ZNF445: variants seen among roughly 807,000 people sequenced by gnomAD.
ZNF445 encodes the protein zinc finger protein 168.
ZNF445 carries 19 observed loss-of-function variants against 93.9 expected under a neutral mutation model. The observed-to-expected ratio is 0.20, with a 90% CI of 0.14 to 0.30. ZNF445 has a LOEUF of 0.30. Ranked by LOEUF, ZNF445 falls within the 10% of genes least tolerant of loss-of-function variation. The pLI, the probability that ZNF445 is intolerant of heterozygous loss-of-function variation, is 1.00. For synonymous variants in ZNF445, 449 were observed against 446.3 expected (o/e 1.01, Z -0.08); for missense variants, 1,058 against 1,259.4 (o/e 0.84, Z 2.42).
Position 44,440,987 on chromosome 3 carries a change from C to G in ZNF445, c.*5588G>C, listed in dbSNP as rs1358963613. On this transcript the variant is annotated 3_prime_UTR_variant, in exon 8 of 8. Transcript: ENST00000396077. ...GGAGTGCAGTGGCACCATCTTGGCT[C>G]ACTGCAACCTCCAACTCCCGGGATC... is the stretch of plus-strand genomic sequence containing the variant. 1 of 149,854 alleles carries G rather than the reference C, an allele frequency of 6.7e-6. No individual in the cohort carries two copies. Among genetic ancestry groups the G allele is most frequent in the South Asian group, 2.1e-4 (1 of 4,738 alleles). 9.3% of individuals were successfully genotyped at this position (149,854 alleles called of 1,614,324 possible). A position where few individuals can be genotyped will look rare whatever the true frequency, so the allele number is the denominator to read the frequency against.
chr3:44,472,738 C>G (rs1698289299), intron 1 of ZNF445, among the ~76,000 whole-genome samples: 2 of 152,230 alleles, frequency 1.3e-5, no homozygotes, highest in African/African-American at 4.8e-5. Flanking sequence ...CAATGAAATT[C>G]AGGTATCTTA....
rs1438899171 is a variant in ZNF445, at chr3:44,432,987, C to CA, written c.*13587dup. 1 of 152,200 alleles carries CA rather than the reference C, an allele frequency of 6.6e-6. No homozygotes were observed. Among genetic ancestry groups the CA allele is most frequent in the Non-Finnish European group, 1.5e-5 (1 of 68,048 alleles). The allele number at this position is 152,200 out of a possible 1,614,324, so 9.4% of individuals were successfully genotyped here. ...CATTTTCAGGTGGAAGTGTAGGAAG[C>CA]ACAGGAGATCACAGAAGACCTCAGC... On this transcript the variant is annotated 3_prime_UTR_variant, in exon 8 of 8. Transcript: ENST00000396077.
At position 44,455,580 on chromosome 3, in the gene ZNF445, G is replaced by A. The variant is rs760398094; in HGVS notation, c.-31C>T. 37 of 1,531,348 alleles carry A rather than the reference G, an allele frequency of 2.4e-5. No homozygotes were observed. Among genetic ancestry groups the A allele is most frequent in the Admixed American group, 4.3e-5 (2 of 46,566 alleles). 94.9% of individuals were successfully genotyped at this position (1,531,348 alleles called of 1,614,324 possible). A position where few individuals can be genotyped will look rare whatever the true frequency, so the allele number is the denominator to read the frequency against. ...CTGTTCAGGGACTAACCAGAAGAGT[G>A]CGAACCAAGTCCACCTTAGACGTGG... is the stretch of plus-strand genomic sequence containing the variant. On this transcript the variant is annotated 5_prime_UTR_variant, in exon 3 of 8. Coordinates refer to ENST00000396077, the MANE Select transcript of ZNF445 (RefSeq NM_181489.6).
At position 44,439,370 on chromosome 3, in the gene ZNF445, C is replaced by T. The variant is rs1175171276; in HGVS notation, c.*7205G>A. The T allele has an allele frequency of 6.6e-6, 1 of 150,426 alleles. No individual in the cohort carries two copies. Among genetic ancestry groups the T allele is most frequent in the Non-Finnish European group, 1.5e-5 (1 of 67,832 alleles). 9.3% of individuals were successfully genotyped at this position (150,426 alleles called of 1,614,324 possible). A position where few individuals can be genotyped will look rare whatever the true frequency, so the allele number is the denominator to read the frequency against. Reference sequence around the variant, plus strand: ...AGCAGTGGTGACCATAGGTCATGAGCAACGTCAGCGGACTTTTGGAAGACA... The same window carrying T: ...AGCAGTGGTGACCATAGGTCATGAGTAACGTCAGCGGACTTTTGGAAGACA... On this transcript the variant is annotated 3_prime_UTR_variant, in exon 8 of 8. Coordinates refer to ENST00000396077, the MANE Select transcript of ZNF445 (RefSeq NM_181489.6).
chr3:44,466,181 T>TA (rs1698192099), intron 1 of ZNF445, among the ~76,000 whole-genome samples: 1 of 152,096 alleles, frequency 6.6e-6, no homozygotes, highest in Admixed American at 6.5e-5. Flanking sequence ...TTTTCTTTTT[T>TA]AAAAAAAATT....
intron 1 of ZNF445, among the ~76,000 whole-genome samples, chr3:44,463,211 A>C (rs1698144072): frequency 6.6e-6 from 1 of 151,960 alleles, no homozygotes; most frequent in Non-Finnish European, 1.5e-5. Flanking sequence ...TAATTTTTGT[A>C]TTTTTAGTAG....
intron 1 of ZNF445, among the ~76,000 whole-genome samples, chr3:44,473,490 C>CACAAAA (rs774842477): frequency 1.8e-5 from 1 of 56,930 alleles, no homozygotes; most frequent in African/African-American, 4.4e-5. Flanking sequence ...CACACACACA[C>CACAAAA]AAAAAATGCT....
At chr3:44,458,629 T>C (rs547045154) in intron 1 of ZNF445, among the ~76,000 whole-genome samples, 8 of 152,220 alleles carry the variant, frequency 5.3e-5, no homozygotes, top group African/African-American at 1.9e-4. Context: ...TTTGTTATAA[T>C]ATTGGTGCGT....
In ZNF445 at chr3:44,462,683, G is replaced by GA. The variant is rs35028138; in HGVS notation, c.-268-4320dup. On this transcript the variant is annotated intron_variant, in intron 1 of 7. Coordinates refer to ENST00000396077, the MANE Select transcript of ZNF445 (RefSeq NM_181489.6). ...GAGATTCTAAATCTTGAAAAAAAAA[G>GA]AAAAAAAAAAGAAACTGCTTACCAT... is the stretch of plus-strand genomic sequence containing the variant. 8.2e-3 allele frequency among the ~76,000 whole-genome samples: 1,185 copies of GA among 144,844 alleles called. 18 individuals are homozygous for GA. The highest frequency in any genetic ancestry group is 0.028 in the African/African-American group (1,115 of 39,530).
chr3:44,448,444 T>C lies in ZNF445; in HGVS notation c.1227A>G (p.Arg409=). Reference sequence around the variant, plus strand: ...CACAGCCATGTTTAAGGGATTCCTTTCTTCCAGAAACTCTCAAATATGTAA... The same window carrying C: ...CACAGCCATGTTTAAGGGATTCCTTCCTTCCAGAAACTCTCAAATATGTAA... The part of the protein sequence containing the change: ...KHVTYLRVSG[R]KESLKHGCGK... The change falls in exon 8 of 8, where the codon AGA becomes AGG. Residue 409 remains arginine, a synonymous_variant. Coordinates refer to ENST00000396077, the MANE Select transcript of ZNF445 (RefSeq NM_181489.6). 1 of 1,614,000 alleles carries C rather than the reference T, an allele frequency of 6.2e-7. No homozygotes were observed. The highest frequency in any genetic ancestry group is 8.5e-7 in the Non-Finnish European group (1 of 1,179,994).
chr3:44,444,641 C>T lies in ZNF445; in HGVS notation c.*1934G>A, dbSNP rs768975837. On this transcript the variant is annotated 3_prime_UTR_variant, in exon 8 of 8. Coordinates refer to ENST00000396077, the MANE Select transcript of ZNF445 (RefSeq NM_181489.6). ...AAGAGGATGGCAGAACCAAGATGAC[C>T]AAACCTTCCTGAGGACAAAGCTGAA... 6.6e-6 allele frequency: 1 copy of T among 152,238 alleles called. No homozygotes were observed. Among genetic ancestry groups the T allele is most frequent in the African/African-American group, 2.4e-5 (1 of 41,416 alleles). The allele number at this position is 152,238 out of a possible 1,614,324, so 9.4% of individuals were successfully genotyped here.
chr3:44,463,358 A>G lies in ZNF445; in HGVS notation c.-268-4994T>C, dbSNP rs1215417367. 3.3e-5 allele frequency among the ~76,000 whole-genome samples: 5 copies of G among 152,274 alleles called. No individual in the cohort carries two copies. The East Asian group carries it at 9.7e-4, about 29-fold the overall frequency. ...GCCTGTCTTGCCACTCTTAATGCACAGATGAGAGGCCCTAAGATAACTTCT... is the reference window on the plus strand; with the variant it reads ...GCCTGTCTTGCCACTCTTAATGCACGGATGAGAGGCCCTAAGATAACTTCT... On this transcript the variant is annotated intron_variant, in intron 1 of 7. Transcript: ENST00000396077.
rs1222000324 is a variant in ZNF445, at chr3:44,434,894, T to C, written c.*11681A>G. The C allele has an allele frequency of 6.6e-6, 1 of 152,238 alleles. No homozygotes were observed. The highest frequency in any genetic ancestry group is 2.4e-5 in the African/African-American group (1 of 41,460). 9.4% of individuals were successfully genotyped at this position (152,238 alleles called of 1,614,324 possible). On this transcript the variant is annotated 3_prime_UTR_variant, in exon 8 of 8. Coordinates refer to ENST00000396077, the MANE Select transcript of ZNF445 (RefSeq NM_181489.6). ...AGCTGAAGGCTATGCTATTGAACACTGTAACTCAACTTTTACGTGCTACCT... is the reference window on the plus strand; with the variant it reads ...AGCTGAAGGCTATGCTATTGAACACCGTAACTCAACTTTTACGTGCTACCT...
intron 6 of ZNF445, chr3:44,450,245 A>T: frequency 1.6e-6 from 1 of 623,238 alleles, no homozygotes; most frequent in Non-Finnish European, 2.7e-6. Flanking sequence ...AGCCACCTTT[A>T]ATCTTTACAA....
intron 1 of ZNF445, among the ~76,000 whole-genome samples, chr3:44,474,025 T>C (rs1009397675): frequency 1.3e-5 from 2 of 152,198 alleles, no homozygotes; most frequent in African/African-American, 4.8e-5. Flanking sequence ...AACACCACAG[T>C]AGTCATTGCT....
Position 44,451,430 on chromosome 3 carries a change from A to G in ZNF445, c.482T>C (p.Leu161Pro). The G allele has an allele frequency of 6.2e-7, 1 of 1,613,950 alleles. No homozygotes were observed. Among genetic ancestry groups the G allele is most frequent in the Non-Finnish European group, 8.5e-7 (1 of 1,179,938 alleles). The change falls in exon 4 of 8, where the codon CTG becomes CCG. Residue 161 changes from leucine to proline, a missense_variant. Transcript: ENST00000396077. ...AAGGGACCATATCTGTGCAGATCGC[A>G]GGGCTCCTGTACCCATCCAATGCAC... ...PDVHWMGTGA[L>P]RSAQIWSLAS...
intron 4 of ZNF445, 65 bp from the exon 5 acceptor site, chr3:44,451,027 TC>T (rs1559393579): frequency 5.9e-6 from 8 of 1,351,456 alleles, no homozygotes; most frequent in South Asian, 5.8e-5. Flanking sequence ...AGCCCACTCT[TC>T]CCCCCAGTAG....
rs1697886767 is a variant in ZNF445, at chr3:44,447,014, T to C, written c.2657A>G (p.His886Arg). The change falls in exon 8 of 8, where the codon CAT becomes CGT. Residue 886 changes from histidine (H) to arginine (R), a missense_variant. His to Arg is a conservative substitution (Grantham distance 29, BLOSUM62 0). Around this residue, in one of 3 missense-constraint regions of ZNF445, gnomAD observed 387 missense variants for 475.7 expected, o/e 0.81. Coordinates refer to ENST00000396077, the MANE Select transcript of ZNF445 (RefSeq NM_181489.6). The surrounding 1 kb of genome is among the most constrained non-coding windows in gnomAD (Gnocchi z 4.7). ...SYDRNYRLVN[H>R]QRIHSTERPF... Reference sequence around the variant, plus strand: ...TCTCTCTGTAGAGTGGATCCTCTGATGGTTAACAAGGCGATAGTTTCTATC... The same window carrying C: ...TCTCTCTGTAGAGTGGATCCTCTGACGGTTAACAAGGCGATAGTTTCTATC... 1.2e-6 allele frequency: 2 copies of C among 1,614,214 alleles called. No individual in the cohort carries two copies. The highest frequency in any genetic ancestry group is 1.7e-6 in the Non-Finnish European group (2 of 1,180,042).
intron 5 of ZNF445, 85 bp from the exon 6 acceptor site, chr3:44,450,658 T>G: frequency 6.5e-7 from 1 of 1,547,998 alleles, no homozygotes; most frequent in Non-Finnish European, 8.7e-7. Context: ...ACTGGCTCTG[T>G]GTGAGTGCAG....
Sources: allele counts gnomAD v4.1 joint callset (sites outside exome capture counted in the v4.1 genomes callset), GRCh38; gene constraint gnomAD v4.1.1; regional missense constraint gnomAD v4.1.1; non-coding constraint Gnocchi (gnomAD v3.1); transcripts MANE v1.5; gene names NCBI Gene and HGNC (gene_info 2026-07-23, HGNC 2026-07-21).